The following FLNC variants were observed in gnomAD, a reference collection of about 807,000 sequenced individuals.
FLNC encodes filamin C.
FLNC carries 91 observed loss-of-function variants against 254.3 expected under a neutral mutation model. That is an observed-to-expected ratio of 0.36 (90% CI 0.30 to 0.43). The LOEUF (loss-of-function observed/expected upper bound fraction) is 0.43, where lower values mean the gene tolerates loss of function less well. Ranked by LOEUF, FLNC falls within the 20% of genes least tolerant of loss-of-function variation. The pLI is 1.00. For synonymous variants in FLNC, 1,430 were observed against 1,577.2 expected (o/e 0.91, Z 2.21); for missense variants, 2,853 against 3,802.6 (o/e 0.75, Z 6.57).
chr7:128,853,509 G>A lies in FLNC; in HGVS notation c.6249G>A (p.Lys2083=), dbSNP rs1170342172. ...GGCTGAGTATTGAAGGCCCAAGCAA[G>A]GTGGACATCAACTGTGAGGACATGG... The part of the protein sequence containing the change: ...GLGLSIEGPS[K]VDINCEDMED... The change falls in exon 38 of 48, where the codon AAG becomes AAA. Residue 2083 remains lysine (K), a synonymous_variant. Coordinates refer to ENST00000325888, the MANE Select transcript of FLNC (RefSeq NM_001458.5). 6.2e-7 allele frequency: 1 copy of A among 1,613,984 alleles called. No homozygotes were observed. The highest frequency in any genetic ancestry group is 8.5e-7 in the Non-Finnish European group (1 of 1,180,034).
At position 128,840,862 on chromosome 7, in the gene FLNC, G is replaced by A. The variant is rs1362157074; in HGVS notation, c.1705G>A (p.Ala569Thr). The change falls in exon 11 of 48, where the codon GCA (alanine) becomes ACA (threonine). Residue 569 changes from alanine to threonine, a missense_variant. Coordinates refer to ENST00000325888, the MANE Select transcript of FLNC (RefSeq NM_001458.5). ...SPFEVQVSPE[A>T]GVQKVRAWGP... ...CTTTGAGGTACAGGTGAGCCCAGAG[G>A]CAGGAGTGCAAAAGGTCCGGGCCTG... The A allele has an allele frequency of 6.2e-7, 1 of 1,614,086 alleles. No homozygotes were observed. The highest frequency in any genetic ancestry group is 8.5e-7 in the Non-Finnish European group (1 of 1,180,012).
rs1468429662 is a variant in FLNC, at chr7:128,830,488, C to G, written c.-150C>G. ...CGCCTAGGAGGCCCGCCGAGCCTCG[C>G]CGAGCCCCGCCAGCCCCGGCGCGAG... On this transcript the variant is annotated 5_prime_UTR_variant, in exon 1 of 48. Coordinates refer to ENST00000325888, the MANE Select transcript of FLNC (RefSeq NM_001458.5). 1.5e-6 allele frequency: 1 copy of G among 684,778 alleles called. No individual in the cohort carries two copies. Among genetic ancestry groups the G allele is most frequent in the Non-Finnish European group, 2.4e-6 (1 of 408,232 alleles). The allele number at this position is 684,778 out of a possible 1,614,324, so 42.4% of individuals were successfully genotyped here.
Position 128,840,124 on chromosome 7 carries a change from G to A in FLNC, c.1513G>A (p.Gly505Ser), listed in dbSNP as rs200935123. ...CTTCAAGGTGTTTACCAAGGGTGCC[G>A]GCAGCGGGGAGCTCAAGGTCACGGT... ...ADFKVFTKGA[G>S]SGELKVTVKG... The change falls in exon 9 of 48, where the codon GGC becomes AGC. Residue 505 changes from glycine (G) to serine (S), a missense_variant. Around this residue, in one of 10 missense-constraint regions of FLNC, gnomAD observed 1,573 missense variants for 1,883.5 expected, o/e 0.84. Coordinates refer to ENST00000325888, the MANE Select transcript of FLNC (RefSeq NM_001458.5). 2.0e-5 allele frequency: 32 copies of A among 1,614,076 alleles called. No homozygotes were observed. The Admixed American group carries it at 2.7e-4, about 13-fold the overall frequency.
Position 128,835,182 on chromosome 7 carries a change from G to A in FLNC, c.353-144G>A, listed in dbSNP as rs138755199. The A allele has an allele frequency of 2.2e-3, 2,280 of 1,059,138 alleles. 33 individuals are homozygous for A. The African/African-American group carries it at 0.032, about 15-fold the overall frequency. The allele number at this position is 1,059,138 out of a possible 1,614,324, so 65.6% of individuals were successfully genotyped here. ...GAACTTGGCATCTGAGTGGGGCCTC[G>A]CAGGAGGGAGAGGGTCAGGTAGGCA... On this transcript the variant is annotated intron_variant, in intron 1 of 47. Coordinates refer to ENST00000325888, the MANE Select transcript of FLNC (RefSeq NM_001458.5). The surrounding 1 kb of genome is among the most constrained non-coding windows in gnomAD (Gnocchi z 5.3).
chr7:128,857,605 C>T lies in FLNC; in HGVS notation c.7780+269C>T, dbSNP rs1454219926. Among the ~76,000 whole-genome samples the T allele has an allele frequency of 2.0e-5, 3 of 151,680 alleles. No homozygotes were observed. Among genetic ancestry groups the T allele is most frequent in the African/African-American group, 4.9e-5 (2 of 40,990 alleles). ...CTCAGGCTCTAGCACCACTTTCTTC[C>T]CTCCTGGCTTCCCATATTCCTCCGC... On this transcript the variant is annotated intron_variant, in intron 46 of 47. Transcript: ENST00000325888. The surrounding 1 kb of genome is among the most constrained non-coding windows in gnomAD (Gnocchi z 4.5).
chr7:128,830,859 C>G lies in FLNC; in HGVS notation c.222C>G (p.Leu74=), dbSNP rs965256172. ...ACGGGCTCCGGCTCATCGCGCTGCT[C>G]GAGGTGCTCAGCCAGAAGCGCATGT... The part of the protein sequence containing the change: ...LSDGLRLIAL[L]EVLSQKRMYR... Residue 74 remains leucine (L), a synonymous_variant, in exon 1 of 48, where the codon CTC becomes CTG. Coordinates refer to ENST00000325888, the MANE Select transcript of FLNC (RefSeq NM_001458.5). 12 of 1,612,960 alleles carry G rather than the reference C, an allele frequency of 7.4e-6. No homozygotes were observed. Among genetic ancestry groups the G allele is most frequent in the South Asian group, 1.1e-5 (1 of 91,088 alleles).
rs1195694460 is a variant in FLNC at position 128,835,954 on chromosome 7, G to A, written c.601+380G>A. On this transcript the variant is annotated intron_variant, in intron 2 of 47. Transcript: ENST00000325888. The surrounding 1 kb of genome is among the most constrained non-coding windows in gnomAD (Gnocchi z 5.3). Reference sequence around the variant, plus strand: ...TGTGCCACGAGGCACTATTCCTGCCGAGCTGAGAGAGAGGCAGTGTGGTGA... The same window carrying A: ...TGTGCCACGAGGCACTATTCCTGCCAAGCTGAGAGAGAGGCAGTGTGGTGA... 2.0e-5 allele frequency among the ~76,000 whole-genome samples: 3 copies of A among 152,172 alleles called. No individual in the cohort carries two copies. Among genetic ancestry groups the A allele is most frequent in the South Asian group, 2.1e-4 (1 of 4,826 alleles).
Position 128,837,503 on chromosome 7 carries a change from C to T in FLNC, c.805C>T (p.Arg269Ter), listed in dbSNP as rs755583250. 1.9e-6 allele frequency: 3 copies of T among 1,614,170 alleles called. No individual in the cohort carries two copies. The highest frequency in any genetic ancestry group is 1.1e-5 in the South Asian group (1 of 91,084). ...CAAGCTCAAACCTGGTGCCCCTGTT[C>T]GATCCAAGCAGCTGAACCCCAAGAA... Reference protein sequence around the residue: ...KAKLKPGAPVRSKQLNPKKAI... With the variant: ...KAKLKPGAPV Residue 269 changes from arginine to a stop codon, truncating the protein, a stop_gained, in exon 4 of 48, where the codon CGA (arginine) becomes TGA (stop). Coordinates refer to ENST00000325888, the MANE Select transcript of FLNC (RefSeq NM_001458.5). LOFTEE classifies it high-confidence loss of function.
chr7:128,851,345 A>G lies in FLNC; in HGVS notation c.5653A>G (p.Lys1885Glu). Reference protein sequence around the residue: ...NKPATFTIVTKDAGEGGLSLA... With the variant: ...NKPATFTIVTEDAGEGGLSLA... ...GCCAGCCACCTTCACTATTGTCACC[A>G]AAGATGCTGGAGAAGGTGAGGGAGC... The change falls in exon 34 of 48, where the codon AAA becomes GAA. Residue 1885 changes from lysine to glutamate, a missense_variant. Around this residue, in one of 10 missense-constraint regions of FLNC, gnomAD observed 551 missense variants for 835.0 expected, o/e 0.66. Coordinates refer to ENST00000325888, the MANE Select transcript of FLNC (RefSeq NM_001458.5). 2.5e-6 allele frequency: 4 copies of G among 1,614,130 alleles called. No individual in the cohort carries two copies. The highest frequency in any genetic ancestry group is 3.4e-6 in the Non-Finnish European group (4 of 1,180,040).
chr7:128,851,503 G>A lies in FLNC; in HGVS notation c.5717G>A (p.Cys1906Tyr). 1 of 1,614,026 alleles carries A rather than the reference G, an allele frequency of 6.2e-7. No homozygotes were observed. Among genetic ancestry groups the A allele is most frequent in the South Asian group, 1.1e-5 (1 of 91,084 alleles). Reference sequence around the variant, plus strand: ...GGCCCATCCAAGGCAGAGATCACCTGTAAGGACAACAAGGATGGCACCTGC... The same window carrying A: ...GGCCCATCCAAGGCAGAGATCACCTATAAGGACAACAAGGATGGCACCTGC... Reference protein sequence around the residue: ...VEGPSKAEITCKDNKDGTCTV... With the variant: ...VEGPSKAEITYKDNKDGTCTV... Residue 1906 changes from cysteine (C) to tyrosine (Y), a missense_variant, in exon 35 of 48, where the codon TGT becomes TAT. By Grantham distance (194) the Cys-to-Tyr change is radical (BLOSUM62 -2). Coordinates refer to ENST00000325888, the MANE Select transcript of FLNC (RefSeq NM_001458.5).
intron 9 of FLNC, 129 bp from the exon 10 acceptor site, chr7:128,840,419 C>A: frequency 8.0e-7 from 1 of 1,251,184 alleles, no homozygotes; most frequent in Non-Finnish European, 1.1e-6. Flanking sequence ...CCCTGAGTTG[C>A]AGCACTGCTC....
chr7:128,847,047 G>A (rs1349095837), intron 24 of FLNC, 142 bp downstream of exon 24: 3 of 1,022,038 alleles, frequency 2.9e-6, no homozygotes, highest in Non-Finnish European at 4.3e-6. Flanking sequence ...CCGGAGCCCG[G>A]CCAGAGGGAG....
Position 128,858,227 on chromosome 7 carries a change from G to T in FLNC, c.7990+10G>T. ...GACTGCAGCAAAGCAGGCAGGTGGCGGGGGGAGGGCGTCTCCCGGGGTGTG... is the reference window on the plus strand; with the variant it reads ...GACTGCAGCAAAGCAGGCAGGTGGCTGGGGGAGGGCGTCTCCCGGGGTGTG... On this transcript the variant is annotated intron_variant, in intron 47 of 47. Coordinates refer to ENST00000325888, the MANE Select transcript of FLNC (RefSeq NM_001458.5). This position sits in a 1 kb window ranked among gnomAD's most constrained non-coding sequence, Gnocchi z 6.7. 1 of 1,401,950 alleles carries T rather than the reference G, an allele frequency of 7.1e-7. No individual in the cohort carries two copies. Among genetic ancestry groups the T allele is most frequent in the South Asian group, 1.2e-5 (1 of 86,400 alleles). 86.8% of individuals were successfully genotyped at this position (1,401,950 alleles called of 1,614,324 possible).
In FLNC at chr7:128,856,743, A is replaced by G; in HGVS notation, c.7385-2A>G. The G allele has an allele frequency of 6.2e-7, 1 of 1,614,168 alleles. No homozygotes were observed. The highest frequency in any genetic ancestry group is 8.5e-7 in the Non-Finnish European group (1 of 1,180,028). On this transcript the variant is annotated splice_acceptor_variant, in intron 44 of 47. Transcript: ENST00000325888. LOFTEE classifies it high-confidence loss of function. This position sits in a 1 kb window ranked among gnomAD's most constrained non-coding sequence, Gnocchi z 5.9. ...GCTAAGCCACCAACCCTTTATCCAC[A>G]GACAAGCACACCATCCGCTTCATCC...
chr7:128,841,445 TC>T lies in FLNC; in HGVS notation c.2008-7del. 1 of 1,613,790 alleles carries T rather than the reference TC, an allele frequency of 6.2e-7. No individual in the cohort carries two copies. Among genetic ancestry groups the T allele is most frequent in the Non-Finnish European group, 8.5e-7 (1 of 1,179,764 alleles). ...CCCTCCCCAACTCAGCCTTCTTCCCTCCGCACAGGTGAAGGCCTTTGGGCCT... is the reference window on the plus strand; with the variant it reads ...CCCTCCCCAACTCAGCCTTCTTCCCTCGCACAGGTGAAGGCCTTTGGGCCT... On this transcript the variant is annotated splice_region_variant and splice_polypyrimidine_tract_variant and intron_variant, in intron 12 of 47. Transcript: ENST00000325888. This position sits in a 1 kb window ranked among gnomAD's most constrained non-coding sequence, Gnocchi z 4.3.
At position 128,852,814 on chromosome 7, in the gene FLNC, C is replaced by T. The variant is rs1012108263; in HGVS notation, c.6005-14C>T. ...GGCCCACAGGATGCTCTGCCTAACACCCACTTTCCACAGGGATCTCCTTCA... is the reference window on the plus strand; with the variant it reads ...GGCCCACAGGATGCTCTGCCTAACATCCACTTTCCACAGGGATCTCCTTCA... On this transcript the variant is annotated splice_polypyrimidine_tract_variant and intron_variant, in intron 36 of 47. Transcript: ENST00000325888. The T allele has an allele frequency of 2.5e-6, 4 of 1,613,824 alleles. No homozygotes were observed. Among genetic ancestry groups the T allele is most frequent in the Non-Finnish European group, 3.4e-6 (4 of 1,180,018 alleles).
chr7:128,838,484 G>A (rs925579720), intron 7 of FLNC, 55 bp downstream of exon 7: 2 of 1,602,156 alleles, frequency 1.2e-6, no homozygotes, highest in East Asian at 2.2e-5. Context: ...GTGGGGCTGT[G>A]TGGGGGTGGG....
In FLNC at chr7:128,858,856, G is replaced by C. The variant is rs571710297; in HGVS notation, c.*333G>C. 9.4e-6 allele frequency: 4 copies of C among 424,718 alleles called. No homozygotes were observed. The highest frequency in any genetic ancestry group is 4.7e-5 in the East Asian group (1 of 21,350). 26.3% of individuals were successfully genotyped at this position (424,718 alleles called of 1,614,324 possible). On this transcript the variant is annotated 3_prime_UTR_variant, in exon 48 of 48. Coordinates refer to ENST00000325888, the MANE Select transcript of FLNC (RefSeq NM_001458.5). The surrounding 1 kb of genome is among the most constrained non-coding windows in gnomAD (Gnocchi z 6.7). Reference sequence around the variant, plus strand: ...TGAGTTTCTGGCGGGGCTGAGCAGTGGGGGAGCATTGTGTTGTGGGTGTCT... The same window carrying C: ...TGAGTTTCTGGCGGGGCTGAGCAGTCGGGGAGCATTGTGTTGTGGGTGTCT...
Position 128,847,780 on chromosome 7 carries a change from A to G in FLNC, c.4372A>G (p.Arg1458Gly), listed in dbSNP as rs762257502. 1.2e-6 allele frequency: 2 copies of G among 1,613,652 alleles called. No individual in the cohort carries two copies. Among genetic ancestry groups the G allele is most frequent in the Non-Finnish European group, 1.7e-6 (2 of 1,179,774 alleles). ...AGGGCCAGGGCTGGGGGCTGGTGTCAGGGCCCGGGTTCCTCAGACCTTCAC... is the reference window on the plus strand; with the variant it reads ...AGGGCCAGGGCTGGGGGCTGGTGTCGGGGCCCGGGTTCCTCAGACCTTCAC... ...CSGPGLGAGV[R>G]ARVPQTFTVD... Residue 1458 changes from arginine to glycine, a missense_variant, in exon 25 of 48, where the codon AGG becomes GGG. Physicochemically the swap from Arg to Gly is moderately radical, Grantham distance 125 (BLOSUM62 -2). Around this residue, in one of 10 missense-constraint regions of FLNC, gnomAD observed 1,573 missense variants for 1,883.5 expected, o/e 0.84. Coordinates refer to ENST00000325888, the MANE Select transcript of FLNC (RefSeq NM_001458.5).
Sources: allele counts gnomAD v4.1 joint callset (sites outside exome capture counted in the v4.1 genomes callset), GRCh38; gene constraint gnomAD v4.1.1; regional missense constraint gnomAD v4.1.1; non-coding constraint Gnocchi (gnomAD v3.1); transcripts MANE v1.5; gene names NCBI Gene and HGNC (gene_info 2026-07-23, HGNC 2026-07-21).